KCNK12: variants seen among roughly 807,000 people sequenced by gnomAD.
KCNK12 encodes potassium two pore domain channel subfamily K member 12.
KCNK12 carries 6 observed loss-of-function variants against 25.3 expected under a neutral mutation model. That is an observed-to-expected ratio of 0.24 (90% confidence interval 0.13 to 0.47). The LOEUF is 0.47. KCNK12 is among the 20% of genes least tolerant of loss of function. The pLI is 0.99. For synonymous variants in KCNK12, 331 were observed against 311.1 expected, an observed-to-expected ratio of 1.06 and a Z score of -0.67; for missense variants, 444 against 661.7, an observed-to-expected ratio of 0.67 and a Z score of 3.61.
chr2:47,533,005 C>G lies in KCNK12; in HGVS notation c.392-11197G>C, dbSNP rs1558552308. ...CCTCTAAAAATGGCCCAATGCCCTA[C>G]TTATTTATTTATTTTTTATTTTTTT... On this transcript the variant is annotated intron_variant, in intron 1 of 1. Coordinates refer to ENST00000327876, the MANE Select transcript of KCNK12 (RefSeq NM_022055.2). This position sits in a 1 kb window ranked among gnomAD's most constrained non-coding sequence, Gnocchi z 4.7. 6.6e-6 allele frequency among the ~76,000 whole-genome samples: 1 copy of G among 151,960 alleles called. No individual in the cohort carries two copies. The highest frequency in any genetic ancestry group is 2.4e-5 in the African/African-American group (1 of 41,366).
rs1227901178 is a variant in KCNK12, at chr2:47,510,666, C to G, written c.*10241G>C. On this transcript the variant is annotated 3_prime_UTR_variant, in exon 2 of 2. Coordinates refer to ENST00000327876, the MANE Select transcript of KCNK12 (RefSeq NM_022055.2). ...TCAGTGGAACACAGCAGCACTGTGA[C>G]CTGCCCACGAGAAGAAGGATTTTTA... 1.3e-5 allele frequency among the ~76,000 whole-genome samples: 2 copies of G among 152,132 alleles called. No homozygotes were observed. Among genetic ancestry groups the G allele is most frequent in the African/African-American group, 2.4e-5 (1 of 41,430 alleles).
chr2:47,509,386 T>C lies in KCNK12; in HGVS notation c.*11521A>G, dbSNP rs934846147. ...TCAGGATGAGATGGGGGAGGTGAAA[T>C]GGGGTAGGTCTTTGAAAACCAACAG... On this transcript the variant is annotated 3_prime_UTR_variant, in exon 2 of 2. Coordinates refer to ENST00000327876, the MANE Select transcript of KCNK12 (RefSeq NM_022055.2). Among the ~76,000 whole-genome samples the C allele has an allele frequency of 2.0e-5, 3 of 152,066 alleles. No individual in the cohort carries two copies. The highest frequency in any genetic ancestry group is 7.2e-5 in the African/African-American group (3 of 41,398).
intron 1 of KCNK12, among the ~76,000 whole-genome samples, chr2:47,550,510 G>A (rs891155262): frequency 6.7e-6 from 1 of 150,358 alleles, no homozygotes; most frequent in Non-Finnish European, 1.5e-5. Flanking sequence ...AGCCTCCCGA[G>A]TAGCTGGGAT....
At chr2:47,559,477 T>G (rs1669619688) in intron 1 of KCNK12, among the ~76,000 whole-genome samples, 1 of 152,236 alleles carries the variant, frequency 6.6e-6, no homozygotes, top group Non-Finnish European at 1.5e-5. Flanking sequence ...ATATGTTGAT[T>G]AATCACCTAC....
In KCNK12 at chr2:47,570,305, CG is replaced by C; in HGVS notation, c.26del (p.Pro9ArgfsTer122). 3.7e-6 allele frequency: 5 copies of C among 1,340,574 alleles called. No individual in the cohort carries two copies. Among genetic ancestry groups the C allele is most frequent in the South Asian group, 3.6e-5 (2 of 55,718 alleles). 83.0% of individuals were successfully genotyped at this position (1,340,574 alleles called of 1,614,324 possible). MSSRSPRPPPRRSRRRLPR... is the reference protein window; with the variant it reads MSSRSPRPXPRRSRRRLPR... ...GCAGGCGGCGGCGGCTACGGCGGGG[CG>C]GGGGCCGGGGGCTGCGGGAGGACAT... On this transcript the variant is annotated frameshift_variant, in exon 1 of 2. Transcript: ENST00000327876. LOFTEE classifies it high-confidence loss of function.
intron 1 of KCNK12, among the ~76,000 whole-genome samples, chr2:47,530,921 T>C (rs991317159): frequency 6.6e-6 from 1 of 152,138 alleles, no homozygotes; most frequent in African/African-American, 2.4e-5. Context: ...TGGCAGAGAT[T>C]TGAAACTAGA....
chr2:47,513,347 G>GTGGCA lies in KCNK12; in HGVS notation c.*7555_*7559dup, dbSNP rs1393028529. On this transcript the variant is annotated 3_prime_UTR_variant, in exon 2 of 2. Coordinates refer to ENST00000327876, the MANE Select transcript of KCNK12 (RefSeq NM_022055.2). ...CTTCAGTCCTTGTCTTAATCACTCAGTGGCACTTGGCACTTATTCCTTCTT... is the reference window on the plus strand; with the variant it reads ...CTTCAGTCCTTGTCTTAATCACTCAGTGGCATGGCACTTGGCACTTATTCCTTCTT... 1 of 152,198 alleles carries GTGGCA rather than the reference G, an allele frequency of 6.6e-6. No individual in the cohort carries two copies. The highest frequency in any genetic ancestry group is 2.4e-5 in the African/African-American group (1 of 41,414). 9.4% of individuals were successfully genotyped at this position (152,198 alleles called of 1,614,324 possible). A position where few individuals can be genotyped will look rare whatever the true frequency, so the allele number is the denominator to read the frequency against.
chr2:47,512,306 C>G lies in KCNK12; in HGVS notation c.*8601G>C. 6.2e-7 allele frequency: 1 copy of G among 1,612,566 alleles called. No homozygotes were observed. Among genetic ancestry groups the G allele is most frequent in the Admixed American group, 1.7e-5 (1 of 59,968 alleles). ...CCTCTCTTCTCCTTCCTTTCAGAAC[C>G]TCAGAGTGACAGAGCCAAAAGACCA... is the stretch of plus-strand genomic sequence containing the variant. On this transcript the variant is annotated 3_prime_UTR_variant, in exon 2 of 2. Transcript: ENST00000327876.
chr2:47,537,340 T>C (rs1669095661), intron 1 of KCNK12, among the ~76,000 whole-genome samples: 1 of 151,920 alleles, frequency 6.6e-6, no homozygotes, highest in Non-Finnish European at 1.5e-5. Context: ...TTCTTTCTTT[T>C]TTTTTTTTGA....
In KCNK12 at chr2:47,560,025, T is replaced by G. The variant is rs1669631421; in HGVS notation, c.391+9916A>C. ...TGGTGCAAGGTCTAGGCAGGGTCTGTTTCAGGACATGACCTTAGGCAGAGT... is the reference window on the plus strand; with the variant it reads ...TGGTGCAAGGTCTAGGCAGGGTCTGGTTCAGGACATGACCTTAGGCAGAGT... On this transcript the variant is annotated intron_variant, in intron 1 of 1. Transcript: ENST00000327876. The surrounding 1 kb of genome is among the most constrained non-coding windows in gnomAD (Gnocchi z 4.7). Among the ~76,000 whole-genome samples the G allele has an allele frequency of 6.6e-6, 1 of 152,164 alleles. No individual in the cohort carries two copies. Among genetic ancestry groups the G allele is most frequent in the Non-Finnish European group, 1.5e-5 (1 of 68,018 alleles).
intron 1 of KCNK12, among the ~76,000 whole-genome samples, chr2:47,544,471 A>G (rs1669268890): frequency 1.3e-5 from 2 of 152,258 alleles, no homozygotes; most frequent in South Asian, 4.1e-4. Flanking sequence ...GTGATGGCTA[A>G]CACCATTGTT....
In KCNK12 at chr2:47,556,445, G is replaced by C. The variant is rs1415911127; in HGVS notation, c.391+13496C>G. ...GTGAGGGGAATGGGAGGCTAAAGAT[G>C]GAAGAGGGAGGATAAGTGGTGGACA... On this transcript the variant is annotated intron_variant, in intron 1 of 1. Coordinates refer to ENST00000327876, the MANE Select transcript of KCNK12 (RefSeq NM_022055.2). The surrounding 1 kb of genome is among the most constrained non-coding windows in gnomAD (Gnocchi z 4.8). 6.6e-6 allele frequency among the ~76,000 whole-genome samples: 1 copy of C among 152,138 alleles called. No individual in the cohort carries two copies. Among genetic ancestry groups the C allele is most frequent in the East Asian group, 1.9e-4 (1 of 5,194 alleles).
At chr2:47,531,332 GC>G (rs1204946111) in intron 1 of KCNK12, among the ~76,000 whole-genome samples, 5 of 152,134 alleles carry the variant, frequency 3.3e-5, no homozygotes, top group Non-Finnish European at 7.4e-5. Flanking sequence ...AATCAGCTGG[GC>G]GTGGTGGCGT....
intron 1 of KCNK12, among the ~76,000 whole-genome samples, chr2:47,534,051 G>A (rs1389411862): frequency 6.6e-6 from 1 of 151,994 alleles, no homozygotes; most frequent in Non-Finnish European, 1.5e-5. Context: ...TGGGAGGCGG[G>A]GACAGCTGAG....
chr2:47,558,500 C>T (rs1214926714), intron 1 of KCNK12, among the ~76,000 whole-genome samples: 4 of 152,200 alleles, frequency 2.6e-5, no homozygotes, highest in Non-Finnish European at 1.5e-5. Flanking sequence ...CAAAATGCAC[C>T]CCGCCCCTAG....
rs1159681257 is a variant in KCNK12, at chr2:47,514,281, T to C, written c.*6626A>G. On this transcript the variant is annotated 3_prime_UTR_variant, in exon 2 of 2. Transcript: ENST00000327876. This position sits in a 1 kb window ranked among gnomAD's most constrained non-coding sequence, Gnocchi z 5.0. ...TGGCTGCCTCTCTTTGGTGTGCCCA[T>C]GGCAGCCCAGAATGCCTGGTGGACA... is the stretch of plus-strand genomic sequence containing the variant. Among the ~76,000 whole-genome samples, 1 of 152,212 alleles carries C rather than the reference T, an allele frequency of 6.6e-6. No individual in the cohort carries two copies. The highest frequency in any genetic ancestry group is 1.5e-5 in the Non-Finnish European group (1 of 68,038).
Position 47,562,311 on chromosome 2 carries a change from C to A in KCNK12, c.391+7630G>T. On this transcript the variant is annotated intron_variant, in intron 1 of 1. Coordinates refer to ENST00000327876, the MANE Select transcript of KCNK12 (RefSeq NM_022055.2). The surrounding 1 kb of genome is among the most constrained non-coding windows in gnomAD (Gnocchi z 4.8). ...AAAGACACTGTGAACATTGTAAAAT[C>A]TGCAATTACAAGATTCTGGATGCTT... 2.5e-6 allele frequency: 1 copy of A among 392,258 alleles called. No individual in the cohort carries two copies. The highest frequency in any genetic ancestry group is 4.5e-6 in the Non-Finnish European group (1 of 222,612). 24.3% of individuals were successfully genotyped at this position (392,258 alleles called of 1,614,324 possible). A position where few individuals can be genotyped will look rare whatever the true frequency, so the allele number is the denominator to read the frequency against.
chr2:47,558,140 C>T (rs1032501193), intron 1 of KCNK12, among the ~76,000 whole-genome samples: 1 of 152,222 alleles, frequency 6.6e-6, no homozygotes, highest in Non-Finnish European at 1.5e-5. Context: ...TTCTGTAGCC[C>T]CTCCCATGTG....
At chr2:47,523,612 G>C (rs1240295272) in intron 1 of KCNK12, among the ~76,000 whole-genome samples, 1 of 152,250 alleles carries the variant, frequency 6.6e-6, no homozygotes, top group Non-Finnish European at 1.5e-5. Context: ...GCAGTGCAGA[G>C]TGGCAGCTCT....
Sources: allele counts gnomAD v4.1 joint callset (sites outside exome capture counted in the v4.1 genomes callset), GRCh38; gene constraint gnomAD v4.1.1; non-coding constraint Gnocchi (gnomAD v3.1); transcripts MANE v1.5; gene names NCBI Gene and HGNC (gene_info 2026-07-23, HGNC 2026-07-21).